Variants in RANBP2 observed in about 807,000 individuals in gnomAD.
RANBP2 encodes RAN binding protein 2.
In RANBP2, 57 loss-of-function variants were observed where a neutral mutation model predicts 303.6. The observed-to-expected ratio is 0.19, with a 90% CI of 0.15 to 0.23. The LOEUF is 0.23. Ranked by LOEUF, RANBP2 falls within the 10% of genes least tolerant of loss-of-function variation. The pLI is 1.00. For synonymous variants in RANBP2, 1,167 were observed against 1,301.5 expected (o/e 0.90, Z 2.23); for missense variants, 3,138 against 3,780.8 (o/e 0.83, Z 4.46).
rs1695983884 is a variant in RANBP2 at position 108,740,412 on chromosome 2, T to G, written c.783-77T>G. 2.5e-6 allele frequency: 4 copies of G among 1,584,604 alleles called. No individual in the cohort carries two copies. The South Asian group carries it at 4.5e-5, about 18-fold the overall frequency. ...GAAGCTTGAAATAAAATTTTTATTT[T>G]GTTTTGAATTAAATAAACCATGATT... On this transcript the variant is annotated intron_variant, in intron 6 of 28. Transcript: ENST00000283195.
the RANBP2 span, chr2:109,545,660 C>A: frequency 6.7e-7 from 1 of 1,488,086 alleles, no homozygotes; most frequent in South Asian, 1.4e-5. Context: ...CAACAAAGGG[C>A]ACAGCTTTAT....
chr2:109,399,011 A>G, the RANBP2 span: 315 of 1,464,808 alleles, frequency 2.2e-4, 1 homozygote, highest in Non-Finnish European at 2.7e-4. Flanking sequence ...CTCCGTGTTC[A>G]GTGTCCCCCG....
the RANBP2 span, among the ~76,000 whole-genome samples, chr2:109,340,093 G>T: frequency 6.6e-6 from 1 of 152,294 alleles, no homozygotes; most frequent in African/African-American, 2.4e-5. Flanking sequence ...GGAGTGTCTG[G>T]TGGGGAGTAG....
the RANBP2 span, among the ~76,000 whole-genome samples, chr2:109,241,851 C>T: frequency 1.3e-5 from 2 of 151,644 alleles, no homozygotes; most frequent in Non-Finnish European, 2.9e-5. Flanking sequence ...CTGCAAGCTC[C>T]GCCTCCCGGG....
the RANBP2 span, among the ~76,000 whole-genome samples, chr2:109,195,607 G>C: frequency 4.0e-4 from 61 of 152,282 alleles, no homozygotes; most frequent in African/African-American, 1.4e-3. Context: ...TTTTTGCATC[G>C]TTTTCTGGAA....
At chr2:109,309,266 A>C in the RANBP2 span, among the ~76,000 whole-genome samples, 1 of 147,970 alleles carries the variant, frequency 6.8e-6, no homozygotes, top group Non-Finnish European at 1.5e-5. Context: ...ATTTTTGTAC[A>C]TTGATTTTGT....
At chr2:108,847,794 A>G in the RANBP2 span, among the ~76,000 whole-genome samples, 1 of 152,160 alleles carries the variant, frequency 6.6e-6, no homozygotes, top group Non-Finnish European at 1.5e-5. Context: ...AGTATGTTTC[A>G]TTTAGTTACT....
At chr2:109,683,460 G>A in the RANBP2 span, among the ~76,000 whole-genome samples, 1 of 152,246 alleles carries the variant, frequency 6.6e-6, no homozygotes, top group South Asian at 2.1e-4. Flanking sequence ...GGGTGAAGAG[G>A]AAGTTTCCCA....
the RANBP2 span, among the ~76,000 whole-genome samples, chr2:109,345,955 C>A: frequency 1.3e-5 from 2 of 152,192 alleles, no homozygotes; most frequent in Non-Finnish European, 2.9e-5. Context: ...ATCTTCAGAC[C>A]AAATTGTCCC....
the RANBP2 span, among the ~76,000 whole-genome samples, chr2:109,060,963 CAGGTATT>C: frequency 2.6e-5 from 4 of 152,026 alleles, no homozygotes; most frequent in Admixed American, 1.3e-4. Flanking sequence ...CCTAAGGAAG[CAGGTATT>C]AATATTTTTA....
chr2:109,764,285 A>G, the RANBP2 span, among the ~76,000 whole-genome samples: 9 of 147,728 alleles, frequency 6.1e-5, 1 homozygote, highest in African/African-American at 1.2e-4. Flanking sequence ...TTACAGGGGC[A>G]GCAGATATGC....
chr2:109,519,924 G>A, the RANBP2 span, among the ~76,000 whole-genome samples: 2 of 152,214 alleles, frequency 1.3e-5, no homozygotes, highest in Non-Finnish European at 2.9e-5. Flanking sequence ...GCAAAAGGGT[G>A]GACTGAAGCA....
the RANBP2 span, chr2:109,615,345 T>C: frequency 6.2e-7 from 1 of 1,612,424 alleles, no homozygotes; most frequent in South Asian, 1.1e-5. Context: ...CCTGGAGGGC[T>C]TGCTCACCTG....
At chr2:109,524,444 C>CAAAAAAAAAAAAAAAAA in the RANBP2 span, among the ~76,000 whole-genome samples, 59 of 84,394 alleles carry the variant, frequency 7.0e-4, 5 homozygotes, top group African/African-American at 3.4e-3. Flanking sequence ...GACCCTGTCT[C>CAAAAAAAAAAAAAAAAA]AAAAAAAAAA....
chr2:108,930,021 G>A, the RANBP2 span: 1 of 1,422,892 alleles, frequency 7.0e-7, no homozygotes, highest in Admixed American at 2.2e-5. Flanking sequence ...ATATACCCTG[G>A]CATCCCCTCA....
the RANBP2 span, chr2:109,503,686 C>T: frequency 1.3e-5 from 2 of 152,338 alleles, no homozygotes; most frequent in African/African-American, 4.8e-5. Flanking sequence ...CGCAGGTGTT[C>T]TCCAGGGAAA....
the RANBP2 span, among the ~76,000 whole-genome samples, chr2:109,731,615 G>A: frequency 1.3e-5 from 2 of 151,882 alleles, no homozygotes; most frequent in African/African-American, 2.4e-5. Flanking sequence ...GGCTGATCTC[G>A]AACTCCTGAC....
the RANBP2 span, among the ~76,000 whole-genome samples, chr2:108,967,891 A>C: frequency 2.2e-3 from 334 of 152,174 alleles, 3 homozygotes; most frequent in African/African-American, 7.4e-3. Context: ...AAGATGGAAA[A>C]CCCTCAAGAT....
chr2:108,771,909 C>T (rs371758507), intron 21 of RANBP2, 38 bp downstream of exon 21: 111 of 1,611,930 alleles, frequency 6.9e-5, no homozygotes, highest in Non-Finnish European at 8.7e-5. Flanking sequence ...TCTGTTCCCG[C>T]TAATCTTAGT....
Sources: gnomAD v4.1 joint callset for allele counts (sites outside exome capture counted in the v4.1 genomes callset) on GRCh38, gnomAD v4.1.1 for gene constraint, MANE v1.5 for transcripts, NCBI Gene and HGNC (gene_info 2026-07-23, HGNC 2026-07-21) for gene names.